Variants in TBC1D9 observed in about 807,000 individuals in gnomAD.
TBC1D9 encodes TBC1 domain family member 9.
A neutral mutation model predicts 132.0 loss-of-function variants in TBC1D9; 63 were observed. The ratio of observed to expected loss-of-function variants is 0.48; its 90% CI spans 0.39 to 0.59. TBC1D9 has a LOEUF of 0.59. Among genes scored for constraint, TBC1D9 ranks in the 20% least tolerant of loss-of-function variants. The pLI, the probability that TBC1D9 is intolerant of heterozygous loss-of-function variation, is 0.00. For missense variants in TBC1D9, 1,261 were observed against 1,592.7 expected, an observed-to-expected ratio of 0.79 and a Z score of 3.54; for synonymous variants, 610 against 609.9, an observed-to-expected ratio of 1.00 and a Z score of 0.00.
At position 140,622,398 on chromosome 4, in the gene TBC1D9, G is replaced by T; in HGVS notation, c.3598C>A (p.Pro1200Thr). 1 of 1,612,898 alleles carries T rather than the reference G, an allele frequency of 6.2e-7. No homozygotes were observed. Among genetic ancestry groups the T allele is most frequent in the South Asian group, 1.1e-5 (1 of 91,030 alleles). ...VRSGQGTAAL[P>T]RSTSLDRDWA... ...TCCCGGTCCAGGCTGGTGCTCCGGG[G>T]CAGTGCCGCCGTGCCCTGGCCGCTC... is the stretch of plus-strand genomic sequence containing the variant. Residue 1200 changes from proline (P) to threonine (T), a missense_variant, in exon 21 of 21, where the codon CCC (proline) becomes ACC (threonine). Pro to Thr is a conservative substitution (Grantham distance 38). This residue lies in a region of TBC1D9 where 618 missense variants were observed against 724.4 expected (regional missense o/e 0.85). Transcript: ENST00000442267.
At chr4:140,705,135 A>G (rs776866339) in intron 1 of TBC1D9, among the ~76,000 whole-genome samples, 7 of 152,206 alleles carry the variant, frequency 4.6e-5, no homozygotes, top group Non-Finnish European at 8.8e-5. Flanking sequence ...TCAAATCAAG[A>G]AACAGACTCT....
rs192702543 is a variant in TBC1D9 at position 140,661,312 on chromosome 4, C to A, written c.1803+581G>T. Among the ~76,000 whole-genome samples, 5 of 152,322 alleles carry A rather than the reference C, an allele frequency of 3.3e-5. No homozygotes were observed. In the East Asian group the frequency reaches 9.6e-4, roughly 29 times the overall value. ...ATGACTTTTGTTGGTATGTAGGCAA[C>A]TTTTCTTAATACTAAGTTAAGCACT... On this transcript the variant is annotated intron_variant, in intron 10 of 20. Transcript: ENST00000442267.
intron 1 of TBC1D9, chr4:140,712,207 C>T (rs1043856732): frequency 6.7e-6 from 1 of 148,256 alleles, no homozygotes; most frequent in Admixed American, 7.3e-5. Flanking sequence ...AGGGACCTGG[C>T]GTTTACATTT....
At chr4:140,695,509 T>C (rs983073062) in intron 2 of TBC1D9, among the ~76,000 whole-genome samples, 4 of 152,210 alleles carry the variant, frequency 2.6e-5, no homozygotes, top group Non-Finnish European at 2.9e-5. Context: ...GAAGGTCAGA[T>C]GCATCCAGAG....
chr4:140,679,901 A>G lies in TBC1D9; in HGVS notation c.361-58T>C, dbSNP rs1737678825. ...GGTATTAATATGACTAGAGATGTAC[A>G]TATTCCAGAAGAAAAAATTTCTAAG... is the stretch of plus-strand genomic sequence containing the variant. On this transcript the variant is annotated intron_variant, in intron 3 of 20. Coordinates refer to ENST00000442267, the MANE Select transcript of TBC1D9 (RefSeq NM_015130.3). 2.9e-6 allele frequency: 4 copies of G among 1,393,880 alleles called. No individual in the cohort carries two copies. The South Asian group carries it at 5.7e-5, about 20-fold the overall frequency. The allele number at this position is 1,393,880 out of a possible 1,614,324, so 86.3% of individuals were successfully genotyped here. A position where few individuals can be genotyped will look rare whatever the true frequency, so the allele number is the denominator to read the frequency against.
chr4:140,669,191 A>G (rs1237384815), intron 8 of TBC1D9, 124 bp from the exon 9 acceptor site: 2 of 950,562 alleles, frequency 2.1e-6, no homozygotes, highest in Non-Finnish European at 3.1e-6. Context: ...AAGTCATGAG[A>G]AAAAGGAACT....
intron 1 of TBC1D9, among the ~76,000 whole-genome samples, chr4:140,721,476 G>A (rs1738422856): frequency 6.6e-6 from 1 of 152,170 alleles, no homozygotes; most frequent in Non-Finnish European, 1.5e-5. Context: ...TTGGGCCAGG[G>A]CGGCTGGACT....
At chr4:140,644,470 C>T in intron 13 of TBC1D9, 3 of 302,468 alleles carry the variant, frequency 9.9e-6, no homozygotes, top group South Asian at 7.9e-5. Flanking sequence ...ACCGCCTTGC[C>T]ATAGATGCTC....
intron 3 of TBC1D9, among the ~76,000 whole-genome samples, chr4:140,680,546 C>T (rs1253946359): frequency 6.6e-6 from 1 of 152,140 alleles, no homozygotes; most frequent in Non-Finnish European, 1.5e-5. Flanking sequence ...ACATATATCT[C>T]GATGGAAAAT....
chr4:140,660,856 CTT>C (rs372203574), intron 10 of TBC1D9, among the ~76,000 whole-genome samples: 145 of 152,126 alleles, frequency 9.5e-4, no homozygotes, highest in African/African-American at 3.4e-3. Flanking sequence ...AGTTCAGCCT[CTT>C]TTAGCTTTTG....
In TBC1D9 at chr4:140,622,835, G is replaced by A; in HGVS notation, c.3161C>T (p.Ala1054Val). 6.3e-7 allele frequency: 1 copy of A among 1,597,984 alleles called. No individual in the cohort carries two copies. Among genetic ancestry groups the A allele is most frequent in the Non-Finnish European group, 8.5e-7 (1 of 1,175,272 alleles). The change falls in exon 21 of 21, where the codon GCA (alanine) becomes GTA (valine). Residue 1054 changes from alanine (A) to valine (V), a missense_variant. Around this residue, in one of 3 missense-constraint regions of TBC1D9, gnomAD observed 618 missense variants for 724.4 expected, o/e 0.85. Transcript: ENST00000442267. Reference sequence around the variant, plus strand: ...CTCCAGCAGGAGGCTGGTCACTGCTGCCGTGGCGTGGTACAGCTCCTGCTC... The same window carrying A: ...CTCCAGCAGGAGGCTGGTCACTGCTACCGTGGCGTGGTACAGCTCCTGCTC... Reference protein sequence around the residue: ...PNEQELYHATAAVTSLLLEIG... With the variant: ...PNEQELYHATVAVTSLLLEIG...
intron 1 of TBC1D9, among the ~76,000 whole-genome samples, chr4:140,709,979 G>A (rs1343308701): frequency 6.6e-6 from 1 of 152,170 alleles, no homozygotes; most frequent in East Asian, 1.9e-4. Flanking sequence ...CTTGTCTGCA[G>A]CCTGACAGTC....
At chr4:140,732,304 C>G (rs1291918753) in intron 1 of TBC1D9, among the ~76,000 whole-genome samples, 1 of 152,188 alleles carries the variant, frequency 6.6e-6, no homozygotes, top group African/African-American at 2.4e-5. Context: ...TCTCCATGGA[C>G]AGTTGCTTGT....
intron 6 of TBC1D9, among the ~76,000 whole-genome samples, chr4:140,672,926 T>A (rs76381821): frequency 0.042 from 6,331 of 152,232 alleles, 390 homozygotes; most frequent in African/African-American, 0.14. Flanking sequence ...TTGGGAGGCC[T>A]AAGTGGTCAG....
At chr4:140,748,297 A>T (rs1738868150) in intron 1 of TBC1D9, among the ~76,000 whole-genome samples, 1 of 152,208 alleles carries the variant, frequency 6.6e-6, no homozygotes, top group Admixed American at 6.5e-5. Flanking sequence ...ATTAACTTGG[A>T]ACAGAGATCA....
intron 13 of TBC1D9, among the ~76,000 whole-genome samples, chr4:140,654,895 G>A (rs1203519088): frequency 1.3e-5 from 2 of 151,812 alleles, no homozygotes; most frequent in Non-Finnish European, 2.9e-5. Flanking sequence ...TGTGATATTT[G>A]GGTACAAGTT....
At chr4:140,712,053 A>G (rs1303208329) in intron 1 of TBC1D9, 1 of 152,158 alleles carries the variant, frequency 6.6e-6, no homozygotes, top group East Asian at 1.9e-4. Flanking sequence ...CCATCAAGCA[A>G]ACAGACAGTT....
intron 2 of TBC1D9, among the ~76,000 whole-genome samples, chr4:140,691,460 G>C (rs1737877565): frequency 6.6e-6 from 1 of 152,190 alleles, no homozygotes. Flanking sequence ...ACAAGGAACT[G>C]ATCTATTTAC....
intron 13 of TBC1D9, chr4:140,642,921 C>T (rs1737030201): frequency 1.5e-5 from 9 of 598,006 alleles, no homozygotes; most frequent in Admixed American, 3.2e-5. Context: ...GTCCCGGCGC[C>T]GCTGCAGCTT....
Sources: gnomAD v4.1 joint callset for allele counts (sites outside exome capture counted in the v4.1 genomes callset) on GRCh38, gnomAD v4.1.1 for gene constraint, gnomAD v4.1.1 regional missense constraint, MANE v1.5 for transcripts, NCBI Gene and HGNC (gene_info 2026-07-23, HGNC 2026-07-21) for gene names.